The following SHTN1 variants were observed in gnomAD, a reference collection of about 807,000 sequenced individuals.
The protein encoded by SHTN1 is shootin 1.
SHTN1 carries 42 observed loss-of-function variants against 83.1 expected under a neutral mutation model. That is an observed-to-expected ratio of 0.51 (90% CI 0.39 to 0.65). The LOEUF (loss-of-function observed/expected upper bound fraction) is 0.65. Ranked by LOEUF, SHTN1 falls within the 30% of genes least tolerant of loss-of-function variation. The pLI is 0.00. For missense variants in SHTN1, 622 were observed against 737.8 expected, an observed-to-expected ratio of 0.84 and a Z score of 1.82; for synonymous variants, 224 against 247.7, an observed-to-expected ratio of 0.90 and a Z score of 0.90.
intron 1 of SHTN1, among the ~76,000 whole-genome samples, chr10:117,110,411 G>A (rs571534774): frequency 1.4e-4 from 22 of 152,272 alleles, no homozygotes; most frequent in Middle Eastern, 3.4e-3. Flanking sequence ...GAGTGCAGTG[G>A]CACCATCTCG....
At chr10:117,041,650 G>A (rs1852585982) in intron 2 of SHTN1, among the ~76,000 whole-genome samples, 1 of 152,120 alleles carries the variant, frequency 6.6e-6, no homozygotes, top group Admixed American at 6.5e-5. Flanking sequence ...CCTTGGTTAG[G>A]TGAACGTGTA....
At chr10:117,053,014 T>A (rs1385818677) in intron 1 of SHTN1, among the ~76,000 whole-genome samples, 3 of 3,732 alleles carry the variant, frequency 8.0e-4, no homozygotes, top group Non-Finnish European at 0.019. Flanking sequence ...AGCAAGACTG[T>A]GTCTCAAAAA....
chr10:116,967,123 G>A (rs1005162199), intron 3 of SHTN1, among the ~76,000 whole-genome samples: 1 of 152,180 alleles, frequency 6.6e-6, no homozygotes, highest in South Asian at 2.1e-4. Flanking sequence ...CAAATACCCT[G>A]ACTGACAGAA....
chr10:116,899,730 T>C (rs905574013), intron 16 of SHTN1, among the ~76,000 whole-genome samples: 1 of 152,174 alleles, frequency 6.6e-6, no homozygotes, highest in Non-Finnish European at 1.5e-5. Flanking sequence ...AAGACAGTTT[T>C]TAAAAGCAAA....
At chr10:116,919,439 G>C (rs1425486332) in intron 12 of SHTN1, among the ~76,000 whole-genome samples, 1 of 152,120 alleles carries the variant, frequency 6.6e-6, no homozygotes, top group Admixed American at 6.6e-5. Context: ...GGTAGCCCAA[G>C]GATGTGGGAG....
At chr10:117,097,030 GACACACACACACACACACACAC>G (rs5788209) in intron 1 of SHTN1, among the ~76,000 whole-genome samples, 9 of 148,950 alleles carry the variant, frequency 6.0e-5, no homozygotes, top group East Asian at 2.0e-4. Flanking sequence ...CACACACATA[GACACACACACACACACACACAC>G]ACACACACAC....
intron 9 of SHTN1, among the ~76,000 whole-genome samples, chr10:116,937,808 G>C (rs553114922): frequency 3.9e-5 from 6 of 151,986 alleles, no homozygotes; most frequent in Non-Finnish European, 7.4e-5. Flanking sequence ...CCAATCAAAC[G>C]TAGGTTTGGT....
chr10:117,033,412 G>T (rs1178358067), intron 2 of SHTN1, among the ~76,000 whole-genome samples: 1 of 151,984 alleles, frequency 6.6e-6, no homozygotes, highest in Non-Finnish European at 1.5e-5. Flanking sequence ...CTACATGCCA[G>T]TAAATTGGAA....
chr10:117,078,844 T>C (rs185800347), intron 1 of SHTN1, among the ~76,000 whole-genome samples: 2 of 152,268 alleles, frequency 1.3e-5, no homozygotes, highest in Admixed American at 1.3e-4. Context: ...GAAGGTCATG[T>C]CTTTCAAGGA....
At chr10:116,991,481 G>A (rs181895938) in intron 1 of SHTN1, among the ~76,000 whole-genome samples, 11 of 152,294 alleles carry the variant, frequency 7.2e-5, no homozygotes, top group African/African-American at 2.4e-4. Flanking sequence ...CGTGTGGAGC[G>A]ATCATACGGT....
chr10:117,086,207 C>T (rs569618030), intron 1 of SHTN1, among the ~76,000 whole-genome samples: 15 of 152,094 alleles, frequency 9.9e-5, no homozygotes, highest in South Asian at 6.2e-4. Context: ...CGTGAGCCAC[C>T]GCGTCCATCA....
rs199768502 is a variant in SHTN1, at chr10:116,999,700, G to C, written c.58+5322C>G. Reference sequence around the variant, plus strand: ...GAGGCCTAGGCGGGTGGATCACAAGGTCAGGAGTTCGAGACCAGCCTGACC... The same window carrying C: ...GAGGCCTAGGCGGGTGGATCACAAGCTCAGGAGTTCGAGACCAGCCTGACC... On this transcript the variant is annotated intron_variant, in intron 1 of 16. Transcript: ENST00000355371. Among the ~76,000 whole-genome samples the C allele has an allele frequency of 4.6e-5, 7 of 152,136 alleles. No homozygotes were observed. In the East Asian group the frequency reaches 1.4e-3, roughly 29 times the overall value.
chr10:117,051,908 T>C (rs1237004579), intron 1 of SHTN1, among the ~76,000 whole-genome samples: 2 of 148,554 alleles, frequency 1.3e-5, no homozygotes, highest in Non-Finnish European at 3.0e-5. Flanking sequence ...CTGGAAATCC[T>C]AGACAGAATA....
chr10:116,886,399 T>C lies in SHTN1; in HGVS notation c.1841A>G (p.Glu614Gly), dbSNP rs1381501783. 1.9e-6 allele frequency: 3 copies of C among 1,579,122 alleles called. No individual in the cohort carries two copies. Among genetic ancestry groups the C allele is most frequent in the Admixed American group, 3.7e-5 (2 of 53,804 alleles). Residue 614 changes from glutamate to glycine, a missense_variant, in exon 17 of 17, where the codon GAA becomes GGA. By Grantham distance (98) the Glu-to-Gly change is moderately conservative. This residue lies in a region of SHTN1 where 231 missense variants were observed against 251.6 expected (regional missense o/e 0.92). Coordinates refer to ENST00000355371, the MANE Select transcript of SHTN1 (RefSeq NM_001127211.3). ...GTTTTCAATGCTGTCTTCTTTGTTT[T>C]CTGGTTGAATTTCGCCTTCATCCTC... ...HKEDEGEIQP[E>G]NKEDSIENVR...
At chr10:117,045,103 T>C (rs1377599089) in intron 2 of SHTN1, among the ~76,000 whole-genome samples, 1 of 152,162 alleles carries the variant, frequency 6.6e-6, no homozygotes, top group Admixed American at 6.5e-5. Flanking sequence ...AAATGGAAAT[T>C]TGTATTATTT....
chr10:117,121,956 CA>C (rs1230675940), intron 1 of SHTN1, among the ~76,000 whole-genome samples: 1 of 152,138 alleles, frequency 6.6e-6, no homozygotes, highest in Non-Finnish European at 1.5e-5. Context: ...GGCGTGAACC[CA>C]GGGGGAGAAG....
intron 2 of SHTN1, among the ~76,000 whole-genome samples, chr10:117,033,545 T>G (rs535064521): frequency 1.1e-3 from 166 of 152,174 alleles, no homozygotes; most frequent in African/African-American, 3.7e-3. Flanking sequence ...ATAAAAGGTC[T>G]CCCAGTAAAG....
intron 2 of SHTN1, among the ~76,000 whole-genome samples, chr10:117,025,061 A>T (rs1012785360): frequency 3.9e-4 from 60 of 152,096 alleles, no homozygotes; most frequent in African/African-American, 1.4e-3. Flanking sequence ...CAAGGACACC[A>T]ATTTAACAAC....
intron 5 of SHTN1, among the ~76,000 whole-genome samples, chr10:116,953,325 A>T (rs1432768587): frequency 1.3e-5 from 2 of 152,134 alleles, no homozygotes; most frequent in East Asian, 3.9e-4. Flanking sequence ...ATTTTTATTC[A>T]TTGTTTCTTT....
Sources: allele counts gnomAD v4.1 joint callset (sites outside exome capture counted in the v4.1 genomes callset), GRCh38; gene constraint gnomAD v4.1.1; regional missense constraint gnomAD v4.1.1; transcripts MANE v1.5; gene names NCBI Gene and HGNC (gene_info 2026-07-23, HGNC 2026-07-21).